ZMIZ1: variants seen among roughly 807,000 people sequenced by gnomAD.
ZMIZ1 encodes zinc finger MIZ domain-containing protein 1.
ZMIZ1 carries 17 observed loss-of-function variants against 113.9 expected under a neutral mutation model. The observed-to-expected ratio is 0.15, with a 90% CI of 0.10 to 0.22. The LOEUF is 0.22. Among genes scored for constraint, ZMIZ1 ranks in the 10% least tolerant of loss-of-function variants. ZMIZ1 has a pLI of 1.00. For synonymous variants in ZMIZ1, 607 were observed against 603.1 expected, an observed-to-expected ratio of 1.01 and a Z score of -0.09; for missense variants, 1,059 against 1,477.8, an observed-to-expected ratio of 0.72 and a Z score of 4.65.
chr10:79,084,588 C>A (rs553144049), intron 1 of ZMIZ1, among the ~76,000 whole-genome samples: 1 of 152,310 alleles, frequency 6.6e-6, no homozygotes, highest in Non-Finnish European at 1.5e-5. Flanking sequence ...CCTCAGCTTA[C>A]CCCATCAATA....
At chr10:79,070,580 G>A (rs1332623660) in intron 1 of ZMIZ1, among the ~76,000 whole-genome samples, 1 of 151,552 alleles carries the variant, frequency 6.6e-6, no homozygotes, top group East Asian at 2.0e-4. Flanking sequence ...CGGCACTGCC[G>A]CCCAGCCCTA....
intron 18 of ZMIZ1, among the ~76,000 whole-genome samples, chr10:79,303,165 A>G (rs1220557127): frequency 1.3e-5 from 2 of 149,662 alleles, no homozygotes; most frequent in Non-Finnish European, 3.0e-5. Context: ...TGGCCAGCTT[A>G]TGCTTAAACT....
intron 4 of ZMIZ1, among the ~76,000 whole-genome samples, chr10:79,168,361 C>T (rs1182964318): frequency 6.6e-6 from 1 of 152,212 alleles, no homozygotes; most frequent in Admixed American, 6.5e-5. Flanking sequence ...CAGCCCATTC[C>T]CTCCTTCATC....
intron 1 of ZMIZ1, among the ~76,000 whole-genome samples, chr10:79,080,701 A>T (rs1268342679): frequency 2.6e-5 from 4 of 151,996 alleles, no homozygotes; most frequent in African/African-American, 9.7e-5. Context: ...TGGCCTTCTG[A>T]TTCCTCCCAC....
At chr10:79,105,110 T>C (rs1325079040) in intron 1 of ZMIZ1, among the ~76,000 whole-genome samples, 1 of 152,172 alleles carries the variant, frequency 6.6e-6, no homozygotes, top group Non-Finnish European at 1.5e-5. Context: ...AAAGACTAGC[T>C]TCCCGAGCCC....
intron 7 of ZMIZ1, among the ~76,000 whole-genome samples, chr10:79,235,423 C>T (rs575498770): frequency 1.7e-4 from 26 of 152,304 alleles, no homozygotes; most frequent in Admixed American, 1.2e-3. Context: ...GCTTCTCAAC[C>T]ACCTCTCCTC....
intron 4 of ZMIZ1, among the ~76,000 whole-genome samples, chr10:79,196,241 G>A (rs1054375876): frequency 1.6e-4 from 24 of 152,142 alleles, no homozygotes; most frequent in African/African-American, 5.3e-4. Flanking sequence ...AGGACACAGC[G>A]CTGTCCCTGT....
At position 79,248,191 on chromosome 10, in the gene ZMIZ1, G is replaced by C. The variant is rs373588165; in HGVS notation, c.281-28990G>C. Among the ~76,000 whole-genome samples the C allele has an allele frequency of 2.2e-4, 34 of 152,182 alleles. No individual in the cohort carries two copies. In the East Asian group the frequency reaches 3.5e-3, roughly 16 times the overall value. ...TACACCCCAAGAGCTATAGAAGGAAGAGGGGAAAATGGTGACTTTCAGGCT... is the reference window on the plus strand; with the variant it reads ...TACACCCCAAGAGCTATAGAAGGAACAGGGGAAAATGGTGACTTTCAGGCT... On this transcript the variant is annotated intron_variant, in intron 7 of 24. Transcript: ENST00000334512.
intron 4 of ZMIZ1, among the ~76,000 whole-genome samples, chr10:79,179,722 T>C (rs78089038): frequency 0.013 from 2,018 of 152,360 alleles, 53 homozygotes; most frequent in African/African-American, 0.047. Context: ...CTCCACACTC[T>C]AGCTCATGGA....
intron 7 of ZMIZ1, among the ~76,000 whole-genome samples, chr10:79,272,798 G>A (rs11002902): frequency 0.16 from 25,053 of 152,194 alleles, 3,655 homozygotes; most frequent in African/African-American, 0.39. Flanking sequence ...GTGCTTTTAC[G>A]TTTTACGCTG....
intron 7 of ZMIZ1, among the ~76,000 whole-genome samples, chr10:79,250,088 G>A (rs1457048161): frequency 2.6e-5 from 4 of 152,202 alleles, no homozygotes; most frequent in African/African-American, 7.2e-5. Flanking sequence ...CCATAGTAAC[G>A]TCTCAGTAGC....
At chr10:79,178,083 G>A (rs1025106694) in intron 4 of ZMIZ1, among the ~76,000 whole-genome samples, 8 of 152,178 alleles carry the variant, frequency 5.3e-5, no homozygotes, top group Non-Finnish European at 8.8e-5. Flanking sequence ...GTGTGATGGG[G>A]TGCTGCTGGG....
At chr10:79,283,270 C>T (rs967971121) in intron 8 of ZMIZ1, among the ~76,000 whole-genome samples, 2 of 152,120 alleles carry the variant, frequency 1.3e-5, no homozygotes, top group African/African-American at 4.8e-5. Flanking sequence ...GGGAACAGGC[C>T]CTGGAGCCAG....
At chr10:79,236,982 C>T (rs1182359574) in intron 7 of ZMIZ1, among the ~76,000 whole-genome samples, 4 of 152,226 alleles carry the variant, frequency 2.6e-5, no homozygotes, top group African/African-American at 4.8e-5. Context: ...GACAAAGCCA[C>T]GTCAGGAGAC....
rs538939492 is a variant in ZMIZ1 at position 79,288,019 on chromosome 10, C to G, written c.426-1756C>G. On this transcript the variant is annotated intron_variant, in intron 8 of 24. Transcript: ENST00000334512. ...TACGAGGAGGGCGGGGGAGGCCCCTCCAGCGATCTCAGACAGGAAGAAAGC... is the reference window on the plus strand; with the variant it reads ...TACGAGGAGGGCGGGGGAGGCCCCTGCAGCGATCTCAGACAGGAAGAAAGC... 1.0e-3 allele frequency among the ~76,000 whole-genome samples: 159 copies of G among 152,314 alleles called. 1 individual carries two copies. The highest frequency in any genetic ancestry group is 3.6e-3 in the African/African-American group (150 of 41,562).
chr10:79,177,097 C>T (rs777821137), intron 4 of ZMIZ1, among the ~76,000 whole-genome samples: 6 of 152,144 alleles, frequency 3.9e-5, no homozygotes, highest in Non-Finnish European at 7.4e-5. Context: ...CCCAGACAGC[C>T]GGGCCAGTGA....
At chr10:79,115,408 G>C (rs891522568) in intron 1 of ZMIZ1, among the ~76,000 whole-genome samples, 3 of 152,274 alleles carry the variant, frequency 2.0e-5, no homozygotes, top group East Asian at 3.9e-4. Context: ...CTTAGCAAAG[G>C]GTCCTGGAGG....
intron 12 of ZMIZ1, chr10:79,294,463 C>G (rs1265331296): frequency 6.6e-6 from 1 of 152,332 alleles, no homozygotes; most frequent in African/African-American, 2.4e-5. Flanking sequence ...AAGTTTTTAG[C>G]AGAGACTCAC....
At position 79,305,156 on chromosome 10, in the gene ZMIZ1, G is replaced by A. The variant is rs748146411; in HGVS notation, c.2287-8G>A. ...TGGTCTCACCTGTGTCTGTCTGTCT[G>A]TCTGCAGTGCTTTGATCTGGAGTCA... is the stretch of plus-strand genomic sequence containing the variant. On this transcript the variant is annotated splice_region_variant and splice_polypyrimidine_tract_variant and intron_variant, in intron 19 of 24. Transcript: ENST00000334512. The A allele has an allele frequency of 8.1e-6, 13 of 1,614,032 alleles. No homozygotes were observed. Among genetic ancestry groups the A allele is most frequent in the Non-Finnish European group, 1.0e-5 (12 of 1,180,028 alleles).
Sources: allele counts gnomAD v4.1 joint callset (sites outside exome capture counted in the v4.1 genomes callset), GRCh38; gene constraint gnomAD v4.1.1; transcripts MANE v1.5; gene names NCBI Gene and HGNC (gene_info 2026-07-23, HGNC 2026-07-21).